The following ADARB2 variants were observed in gnomAD, a reference collection of about 807,000 sequenced individuals.
ADARB2 encodes the protein inactive double-stranded RNA-specific editase B2.
Under a neutral mutation model 62.2 loss-of-function variants are expected in ADARB2, and 25 were observed. That is an observed-to-expected ratio of 0.40 (90% CI 0.29 to 0.56). ADARB2 has a LOEUF of 0.56. Among genes scored for constraint, ADARB2 ranks in the 20% least tolerant of loss-of-function variants. ADARB2 has a pLI of 0.43. For missense variants in ADARB2, 1,071 were observed against 1,077.4 expected (o/e 0.99, Z 0.08); for synonymous variants, 572 against 500.8 (o/e 1.14, Z -1.90).
intron 1 of ADARB2, among the ~76,000 whole-genome samples, chr10:1,429,779 C>T (rs1830761376): frequency 6.6e-6 from 1 of 152,326 alleles, no homozygotes; most frequent in East Asian, 1.9e-4. Context: ...TAGATACAAT[C>T]TTTCTCTTCC....
At chr10:1,625,254 C>T (rs1047502576) in intron 1 of ADARB2, among the ~76,000 whole-genome samples, 8 of 152,186 alleles carry the variant, frequency 5.3e-5, no homozygotes, top group East Asian at 3.8e-4. Flanking sequence ...CAGGCCTGTG[C>T]GGAGCCTGAG....
In ADARB2 at chr10:1,712,128, G is replaced by A. The variant is rs571105020; in HGVS notation, c.100+24923C>T. 3.9e-5 allele frequency among the ~76,000 whole-genome samples: 6 copies of A among 152,172 alleles called. No homozygotes were observed. The South Asian group carries it at 1.0e-3, about 26-fold the overall frequency. On this transcript the variant is annotated intron_variant, in intron 1 of 9. Coordinates refer to ENST00000381312, the MANE Select transcript of ADARB2 (RefSeq NM_018702.4). ...GAAAATACAACAGTTGATAATGTTC[G>A]AAGCTGTATTTAAAACAGATATTCT...
chr10:1,235,028 A>G (rs1830851638), intron 5 of ADARB2, among the ~76,000 whole-genome samples: 1 of 152,102 alleles, frequency 6.6e-6, no homozygotes. Flanking sequence ...ATTACAGGCG[A>G]GAGCCACCAC....
At chr10:1,492,085 A>G (rs1831629227) in intron 1 of ADARB2, among the ~76,000 whole-genome samples, 1 of 152,258 alleles carries the variant, frequency 6.6e-6, no homozygotes, top group East Asian at 1.9e-4. Context: ...TGATTTAGGG[A>G]ACTGAGTAGC....
intron 1 of ADARB2, among the ~76,000 whole-genome samples, chr10:1,386,826 A>ACACT (rs1219784316): frequency 2.0e-4 from 31 of 151,960 alleles, no homozygotes; most frequent in Admixed American, 2.0e-3. Context: ...CATTTATAGA[A>ACACT]CACTGTATAG....
At chr10:1,580,983 G>A (rs553102023) in intron 1 of ADARB2, among the ~76,000 whole-genome samples, 2 of 152,330 alleles carry the variant, frequency 1.3e-5, no homozygotes, top group Admixed American at 6.5e-5. Context: ...ACCCACTGAA[G>A]GGCATCTTGG....
chr10:1,481,966 A>G (rs1831478763), intron 1 of ADARB2, among the ~76,000 whole-genome samples: 1 of 152,248 alleles, frequency 6.6e-6, no homozygotes, highest in Non-Finnish European at 1.5e-5. Context: ...GAGAAAGTGT[A>G]CACATGGCCA....
At chr10:1,377,145 GT>G (rs1276572783) in intron 2 of ADARB2, among the ~76,000 whole-genome samples, 1 of 137,358 alleles carries the variant, frequency 7.3e-6, no homozygotes, top group African/African-American at 2.8e-5. Flanking sequence ...GGGTGTGTGT[GT>G]TTGTGTGTGC....
intron 1 of ADARB2, among the ~76,000 whole-genome samples, chr10:1,709,040 A>G (rs973784094): frequency 6.6e-6 from 1 of 152,152 alleles, no homozygotes. Context: ...GGGTCCTGAG[A>G]AACCTTCTCA....
intron 1 of ADARB2, among the ~76,000 whole-genome samples, chr10:1,517,822 A>G (rs950941179): frequency 5.3e-5 from 8 of 152,112 alleles, no homozygotes; most frequent in Admixed American, 2.0e-4. Context: ...ACTTAATTTT[A>G]CTAGTCTCTG....
At chr10:1,487,701 T>C (rs905022183) in intron 1 of ADARB2, among the ~76,000 whole-genome samples, 3 of 152,188 alleles carry the variant, frequency 2.0e-5, no homozygotes, top group African/African-American at 7.2e-5. Context: ...AGTTTAGGTA[T>C]TACAAAATGT....
At chr10:1,245,973 A>G (rs1447461959) in intron 4 of ADARB2, among the ~76,000 whole-genome samples, 1 of 151,488 alleles carries the variant, frequency 6.6e-6, no homozygotes, top group Admixed American at 6.6e-5. Context: ...AAGTGTTCCT[A>G]TTTCTCCACA....
chr10:1,442,940 T>A (rs542425629), intron 1 of ADARB2, among the ~76,000 whole-genome samples: 1 of 152,184 alleles, frequency 6.6e-6, no homozygotes, highest in Non-Finnish European at 1.5e-5. Context: ...GAGTTGACTG[T>A]ACTTAAACTG....
chr10:1,245,880 A>G (rs1830982061), intron 4 of ADARB2, among the ~76,000 whole-genome samples: 1 of 151,560 alleles, frequency 6.6e-6, no homozygotes, highest in African/African-American at 2.4e-5. Flanking sequence ...ATCAAATGGT[A>G]TTTCTAGTTC....
intron 8 of ADARB2, among the ~76,000 whole-genome samples, chr10:1,195,395 T>TG (rs1385010010): frequency 1.5e-5 from 2 of 133,528 alleles, no homozygotes; most frequent in African/African-American, 7.0e-5. Flanking sequence ...CACAGTTTTT[T>TG]TTTTGTTTTT....
chr10:1,655,252 G>A (rs988294396), intron 1 of ADARB2, among the ~76,000 whole-genome samples: 7 of 152,162 alleles, frequency 4.6e-5, no homozygotes, highest in Non-Finnish European at 8.8e-5. Flanking sequence ...GAACAGAGGG[G>A]GTGTTGATAA....
intron 1 of ADARB2, among the ~76,000 whole-genome samples, chr10:1,719,785 T>C (rs1238054151): frequency 1.3e-5 from 2 of 152,278 alleles, no homozygotes; most frequent in East Asian, 3.9e-4. Context: ...CACAAGCATG[T>C]GAAAAACATT....
In ADARB2 at chr10:1,242,180, G is replaced by A; in HGVS notation, c.1312C>T (p.Arg438Trp). ...TAGAGGAAGTGCAGGAACGCCCGCCGGGCCACGACCTCCGCGTGGCAGTCA... is the reference window on the plus strand; with the variant it reads ...TAGAGGAAGTGCAGGAACGCCCGCCAGGCCACGACCTCCGCGTGGCAGTCA... ...VNDCHAEVVA[R>W]RAFLHFLYTQ... Residue 438 changes from arginine to tryptophan, a missense_variant, in exon 5 of 10, where the codon CGG (arginine) becomes TGG (tryptophan). By Grantham distance (101) the Arg-to-Trp change is moderately radical. Coordinates refer to ENST00000381312, the MANE Select transcript of ADARB2 (RefSeq NM_018702.4). 1.9e-6 allele frequency: 3 copies of A among 1,610,726 alleles called. No individual in the cohort carries two copies. The highest frequency in any genetic ancestry group is 2.5e-6 in the Non-Finnish European group (3 of 1,179,546).
chr10:1,630,921 C>T (rs1833833993), intron 1 of ADARB2, among the ~76,000 whole-genome samples: 1 of 151,958 alleles, frequency 6.6e-6, no homozygotes, highest in South Asian at 2.1e-4. Context: ...TGCCATTGCA[C>T]TCCAGCCTGG....
Sources: allele counts gnomAD v4.1 joint callset (sites outside exome capture counted in the v4.1 genomes callset), GRCh38; gene constraint gnomAD v4.1.1; transcripts MANE v1.5; gene names NCBI Gene and HGNC (gene_info 2026-07-23, HGNC 2026-07-21).